Variants in LRBA observed in about 807,000 individuals in gnomAD.
LRBA encodes the protein lipopolysaccharide-responsive and beige-like anchor protein.
Under a neutral mutation model 330.0 loss-of-function variants are expected in LRBA, and 176 were observed. The observed-to-expected ratio is 0.53, with a 90% CI of 0.47 to 0.60. The LOEUF (loss-of-function observed/expected upper bound fraction) is 0.60. Ranked by LOEUF, LRBA falls within the 20% of genes least tolerant of loss-of-function variation. The pLI, the probability that LRBA is intolerant of heterozygous loss-of-function variation, is 0.00. For synonymous variants in LRBA, 1,230 were observed against 1,193.0 expected (o/e 1.03, Z -0.64); for missense variants, 3,259 against 3,444.8 (o/e 0.95, Z 1.35).
intron 46 of LRBA, among the ~76,000 whole-genome samples, chr4:150,434,526 T>C (rs1330046257): frequency 2.6e-5 from 4 of 152,138 alleles, no homozygotes; most frequent in Non-Finnish European, 5.9e-5. Flanking sequence ...ATTTTTCTCA[T>C]GGTATTTTTC....
chr4:150,886,709 T>C (rs12647118), intron 17 of LRBA, among the ~76,000 whole-genome samples: 2,247 of 152,280 alleles, frequency 0.015, 48 homozygotes, highest in East Asian at 0.12. Flanking sequence ...GGTTGTCTAT[T>C]TGCTAAACAA....
chr4:150,949,769 G>C (rs541166721), intron 2 of LRBA, among the ~76,000 whole-genome samples: 4 of 119,874 alleles, frequency 3.3e-5, no homozygotes, highest in East Asian at 2.5e-4. Flanking sequence ...AAGGAAACTC[G>C]TAAGTTCAAA....
chr4:150,854,971 T>C (rs1436276907), intron 22 of LRBA, among the ~76,000 whole-genome samples: 2 of 152,076 alleles, frequency 1.3e-5, no homozygotes, highest in Non-Finnish European at 2.9e-5. Flanking sequence ...TTTTAAAAGA[T>C]CAGTGGCTGG....
chr4:150,849,505 G>T lies in LRBA; in HGVS notation c.4075C>A (p.His1359Asn). 1 of 1,612,976 alleles carries T rather than the reference G, an allele frequency of 6.2e-7. No homozygotes were observed. Among genetic ancestry groups the T allele is most frequent in the Non-Finnish European group, 8.5e-7 (1 of 1,178,914 alleles). ...DNVIFVHNTI[H>N]LISQVMDNMV... ...TTGTCCATCACTTGAGAGATGAGAT[G>T]AATTGTGTTGTGTACAAAGATGACA... The change falls in exon 25 of 57, where the codon CAT becomes AAT. Residue 1359 changes from histidine to asparagine, a missense_variant. Transcript: ENST00000651943.
chr4:150,364,975 A>G (rs1322323436), intron 47 of LRBA, among the ~76,000 whole-genome samples: 1 of 152,016 alleles, frequency 6.6e-6, no homozygotes, highest in Admixed American at 6.5e-5. Flanking sequence ...ATCATAATAT[A>G]TATACACACA....
chr4:150,302,179 C>A (rs1436038987), intron 53 of LRBA, among the ~76,000 whole-genome samples: 1 of 152,060 alleles, frequency 6.6e-6, no homozygotes, highest in Non-Finnish European at 1.5e-5. Flanking sequence ...CCACATTGGC[C>A]TTTTATGACC....
chr4:150,547,874 A>G (rs942513196), intron 40 of LRBA, among the ~76,000 whole-genome samples: 2 of 152,164 alleles, frequency 1.3e-5, no homozygotes, highest in African/African-American at 4.8e-5. Flanking sequence ...TTAAAATTAT[A>G]ATTTTACTTT....
chr4:150,801,133 A>G (rs566059869), intron 33 of LRBA, among the ~76,000 whole-genome samples: 1 of 152,330 alleles, frequency 6.6e-6, no homozygotes, highest in Non-Finnish European at 1.5e-5. Context: ...TTTTTAAAAT[A>G]GGATGGCAAT....
intron 4 of LRBA, among the ~76,000 whole-genome samples, chr4:150,926,042 A>C (rs1043257549): frequency 1.6e-4 from 24 of 152,206 alleles, no homozygotes; most frequent in African/African-American, 5.8e-4. Flanking sequence ...ACAGAACCCG[A>C]AAGTCTCAGT....
At chr4:150,894,258 T>C (rs939018849) in intron 16 of LRBA, among the ~76,000 whole-genome samples, 2 of 152,228 alleles carry the variant, frequency 1.3e-5, no homozygotes, top group Admixed American at 6.5e-5. Flanking sequence ...TTTTATTCAC[T>C]GTGCCTCTCC....
chr4:150,574,468 C>T (rs1477487973), intron 40 of LRBA, among the ~76,000 whole-genome samples: 3 of 151,878 alleles, frequency 2.0e-5, no homozygotes, highest in Non-Finnish European at 4.4e-5. Flanking sequence ...CTAGTCCAAC[C>T]CACTCATTTA....
chr4:150,929,136 C>G, intron 2 of LRBA, 71 bp from the exon 3 acceptor site: 7 of 924,280 alleles, frequency 7.6e-6, no homozygotes, highest in Non-Finnish European at 1.2e-5. Flanking sequence ...TGTTCCTAAA[C>G]ATTAGATTAA....
intron 47 of LRBA, among the ~76,000 whole-genome samples, chr4:150,374,779 C>CA (rs1239351059): frequency 6.6e-6 from 1 of 152,170 alleles, no homozygotes; most frequent in Admixed American, 6.5e-5. Context: ...AAGGGATACT[C>CA]AACTGGTACA....
At position 150,588,181 on chromosome 4, in the gene LRBA, G is replaced by A. The variant is rs1200008187; in HGVS notation, c.6197C>T (p.Pro2066Leu). Residue 2066 changes from proline (P) to leucine (L), a missense_variant, in exon 40 of 57, where the codon CCT becomes CTT. Pro to Leu is a moderately conservative substitution (Grantham distance 98). Transcript: ENST00000651943. The part of the protein sequence containing the change: ...DEKDLENLAG[P>L]VSLSTPAQLV... The stretch of plus-strand genomic sequence containing the variant: ...CTGAGCTGGTGTGCTCAGGCTAACA[G>A]GACCTGCCAAAAGGAAAAGACAAGC... The A allele has an allele frequency of 1.3e-6, 2 of 1,578,498 alleles. No homozygotes were observed. The highest frequency in any genetic ancestry group is 2.7e-5 in the African/African-American group (2 of 72,900).
At chr4:150,804,061 T>TA (rs1005931781) in intron 33 of LRBA, among the ~76,000 whole-genome samples, 5 of 151,144 alleles carry the variant, frequency 3.3e-5, no homozygotes, top group African/African-American at 7.3e-5. Context: ...TTACACCATT[T>TA]AAAAAAAAAG....
intron 40 of LRBA, among the ~76,000 whole-genome samples, chr4:150,504,018 G>A (rs1275880057): frequency 2.6e-5 from 4 of 152,130 alleles, no homozygotes; most frequent in African/African-American, 4.8e-5. Context: ...CGAATGACAC[G>A]AAGCAAGAAG....
intron 43 of LRBA, among the ~76,000 whole-genome samples, chr4:150,470,995 CA>C (rs1756057215): frequency 6.6e-6 from 1 of 152,054 alleles, no homozygotes; most frequent in Admixed American, 6.5e-5. Context: ...CTTAGGTGCT[CA>C]AAAACTTTCA....
intron 44 of LRBA, among the ~76,000 whole-genome samples, chr4:150,452,566 G>A (rs1561198508): frequency 6.7e-6 from 1 of 149,836 alleles, no homozygotes; most frequent in Non-Finnish European, 1.5e-5. Context: ...AGGTTGCAGT[G>A]AGCCAAGATC....
chr4:150,342,404 T>G (rs1581063252), intron 48 of LRBA, among the ~76,000 whole-genome samples: 2 of 152,148 alleles, frequency 1.3e-5, no homozygotes, highest in South Asian at 2.1e-4. Flanking sequence ...AGTAAACAGA[T>G]AAAGATAAGA....
Sources: allele counts gnomAD v4.1 joint callset (sites outside exome capture counted in the v4.1 genomes callset), GRCh38; gene constraint gnomAD v4.1.1; transcripts MANE v1.5; gene names NCBI Gene and HGNC (gene_info 2026-07-23, HGNC 2026-07-21).